Variants in ZNF407 observed in about 807,000 individuals in gnomAD.
ZNF407 encodes zinc finger protein 407.
Under a neutral mutation model 131.2 loss-of-function variants are expected in ZNF407, and 17 were observed. The ratio of observed to expected loss-of-function variants is 0.13; its 90% CI spans 0.09 to 0.19. The LOEUF (loss-of-function observed/expected upper bound fraction) is 0.19. ZNF407 is among the 10% of genes least tolerant of loss of function. ZNF407 has a pLI of 1.00. For synonymous variants in ZNF407, 1,156 were observed against 1,062.0 expected (o/e 1.09, Z -1.72); for missense variants, 2,681 against 2,830.6 (o/e 0.95, Z 1.20).
At chr18:75,004,611 A>G (rs1972886402) in intron 8 of ZNF407, among the ~76,000 whole-genome samples, 1 of 152,002 alleles carries the variant, frequency 6.6e-6, no homozygotes, top group Admixed American at 6.6e-5. Context: ...ATTCAATCAG[A>G]CCCATCGTTG....
intron 3 of ZNF407, among the ~76,000 whole-genome samples, chr18:74,650,999 G>C (rs1453373025): frequency 6.6e-6 from 1 of 151,926 alleles, no homozygotes; most frequent in East Asian, 1.9e-4. Context: ...TGGGACTGTA[G>C]CTCAAGGGTA....
intron 8 of ZNF407, among the ~76,000 whole-genome samples, chr18:75,039,133 G>A (rs1175665158): frequency 6.6e-6 from 1 of 152,234 alleles, no homozygotes; most frequent in East Asian, 1.9e-4. Flanking sequence ...TTAGATAACA[G>A]TTTAAATGCA....
intron 6 of ZNF407, among the ~76,000 whole-genome samples, chr18:74,886,221 G>T (rs1289095197): frequency 1.3e-5 from 2 of 152,158 alleles, no homozygotes; most frequent in African/African-American, 4.8e-5. Flanking sequence ...AAGATCCTCG[G>T]CACCCTCGGA....
intron 6 of ZNF407, among the ~76,000 whole-genome samples, chr18:74,886,565 C>T (rs902294026): frequency 1.7e-4 from 26 of 151,990 alleles, no homozygotes; most frequent in Admixed American, 5.9e-4. Context: ...TACTCTGCAA[C>T]GAAAATAAGT....
chr18:74,992,539 G>T (rs764013278), intron 8 of ZNF407, among the ~76,000 whole-genome samples: 5 of 152,198 alleles, frequency 3.3e-5, no homozygotes, highest in Non-Finnish European at 7.3e-5. Flanking sequence ...GGGGAAATCC[G>T]CATTTCCATG....
rs1984375898 is a variant in ZNF407 at position 74,634,963 on chromosome 18, A to G, written c.3944A>G (p.Glu1315Gly). The stretch of plus-strand genomic sequence containing the variant: ...GAAATTCTGATGAATTCACAACATG[A>G]AACAGAATTTATTTTGGAGGAGGAT... ...NKEILMNSQHETEFILEEDGP... is the reference protein window; with the variant it reads ...NKEILMNSQHGTEFILEEDGP... The change falls in exon 2 of 9, where the codon GAA becomes GGA. Residue 1315 changes from glutamate (E) to glycine (G), a missense_variant. By Grantham distance (98) the Glu-to-Gly change is moderately conservative (BLOSUM62 -2). Around this residue, in one of 6 missense-constraint regions of ZNF407, gnomAD observed 1,789 missense variants for 1,748.7 expected, o/e 1.02. Transcript: ENST00000299687. The G allele has an allele frequency of 1.2e-6, 2 of 1,613,920 alleles. No individual in the cohort carries two copies. Among genetic ancestry groups the G allele is most frequent in the East Asian group, 2.2e-5 (1 of 44,896 alleles).
rs1410736758 is a variant in ZNF407, at chr18:75,048,546, C to T, written c.5429-14604C>T. ...GCCAGAAATTTCCAACCCAGCCTAG[C>T]CTTCCCCTGGCCTGAAGCATGTTGC... On this transcript the variant is annotated intron_variant, in intron 8 of 8. Transcript: ENST00000299687. This position sits in a 1 kb window ranked among gnomAD's most constrained non-coding sequence, Gnocchi z 4.1. 6.6e-6 allele frequency among the ~76,000 whole-genome samples: 1 copy of T among 152,118 alleles called. No homozygotes were observed. The highest frequency in any genetic ancestry group is 2.4e-5 in the African/African-American group (1 of 41,416).
intron 8 of ZNF407, among the ~76,000 whole-genome samples, chr18:75,011,306 A>G (rs1460041048): frequency 2.0e-5 from 3 of 152,126 alleles, no homozygotes; most frequent in Non-Finnish European, 4.4e-5. Flanking sequence ...TGTCCCTTAC[A>G]CGTTTTTTGG....
In ZNF407 at chr18:74,643,393, A is replaced by T. The variant is rs560898494; in HGVS notation, c.4802+2271A>T. Among the ~76,000 whole-genome samples the T allele has an allele frequency of 2.0e-5, 3 of 152,188 alleles. No individual in the cohort carries two copies. In the East Asian group the frequency reaches 5.8e-4, roughly 29 times the overall value. On this transcript the variant is annotated intron_variant, in intron 3 of 8. Transcript: ENST00000299687. ...GCGATCTTTCAGGAACATTAACTCTATAATTTTGTCACAAACAGAAGGTCC... is the reference window on the plus strand; with the variant it reads ...GCGATCTTTCAGGAACATTAACTCTTTAATTTTGTCACAAACAGAAGGTCC...
intron 3 of ZNF407, among the ~76,000 whole-genome samples, chr18:74,768,020 A>G (rs1969281186): frequency 6.6e-6 from 1 of 152,110 alleles, no homozygotes. Flanking sequence ...CTGCATATAT[A>G]TATTGAATGT....
At chr18:74,991,921 G>A (rs1168253571) in intron 8 of ZNF407, among the ~76,000 whole-genome samples, 1 of 152,188 alleles carries the variant, frequency 6.6e-6, no homozygotes, top group Non-Finnish European at 1.5e-5. Flanking sequence ...AACCTTGTAG[G>A]TCCAAAGCTT....
At chr18:74,812,680 C>T (rs927069787) in intron 4 of ZNF407, among the ~76,000 whole-genome samples, 1 of 152,154 alleles carries the variant, frequency 6.6e-6, no homozygotes, top group African/African-American at 2.4e-5. Flanking sequence ...TTGCCTCTCT[C>T]TGTACTACCT....
chr18:74,698,506 ATC>A (rs1967413895), intron 3 of ZNF407, among the ~76,000 whole-genome samples: 1 of 152,112 alleles, frequency 6.6e-6, no homozygotes, highest in African/African-American at 2.4e-5. Flanking sequence ...AGACTGAGCA[ATC>A]TCTGATGTTT....
At chr18:74,684,794 A>G (rs1023025585) in intron 3 of ZNF407, among the ~76,000 whole-genome samples, 2 of 152,114 alleles carry the variant, frequency 1.3e-5, no homozygotes, top group Non-Finnish European at 2.9e-5. Flanking sequence ...TTATCTAGTA[A>G]TTTTCCCTTT....
chr18:74,676,697 A>G (rs12968154), intron 3 of ZNF407, among the ~76,000 whole-genome samples: 13,883 of 151,216 alleles, frequency 0.092, 816 homozygotes, highest in African/African-American at 0.16. Context: ...GCCTCCCAGA[A>G]TGCTGGGATT....
At chr18:75,041,827 C>T (rs1315669938) in intron 8 of ZNF407, among the ~76,000 whole-genome samples, 1 of 152,230 alleles carries the variant, frequency 6.6e-6, no homozygotes, top group Non-Finnish European at 1.5e-5. Context: ...CACTGTGTAG[C>T]CTGCATTCAC....
chr18:74,883,324 A>G (rs1281028695), intron 6 of ZNF407, among the ~76,000 whole-genome samples: 1 of 152,220 alleles, frequency 6.6e-6, no homozygotes, highest in Non-Finnish European at 1.5e-5. Context: ...TAAAATATTT[A>G]AGCAACACAC....
At chr18:74,716,112 A>G (rs985662575) in intron 3 of ZNF407, among the ~76,000 whole-genome samples, 2 of 152,202 alleles carry the variant, frequency 1.3e-5, no homozygotes, top group Non-Finnish European at 2.9e-5. Flanking sequence ...GTTTTTTCAA[A>G]TAGATATTTT....
intron 3 of ZNF407, among the ~76,000 whole-genome samples, chr18:74,684,249 T>G (rs1967047801): frequency 6.6e-6 from 1 of 152,140 alleles, no homozygotes; most frequent in African/African-American, 2.4e-5. Context: ...GGTAACAGAT[T>G]ATCCCCCTAC....
Sources: allele counts gnomAD v4.1 joint callset (sites outside exome capture counted in the v4.1 genomes callset), GRCh38; gene constraint gnomAD v4.1.1; regional missense constraint gnomAD v4.1.1; non-coding constraint Gnocchi (gnomAD v3.1); transcripts MANE v1.5; gene names NCBI Gene and HGNC (gene_info 2026-07-23, HGNC 2026-07-21).